Variants in COLEC12 observed in about 807,000 individuals in gnomAD.
COLEC12 encodes collectin subfamily member 12, also known as collectin-12.
COLEC12 carries 33 observed loss-of-function variants against 71.1 expected under a neutral mutation model. The observed-to-expected ratio is 0.46, with a 90% CI of 0.35 to 0.62. The LOEUF is 0.62. COLEC12 is among the 20% of genes least tolerant of loss of function. The pLI is 0.00. For missense variants in COLEC12, 765 were observed against 916.1 expected (o/e 0.84, Z 2.13); for synonymous variants, 350 against 353.0 (o/e 0.99, Z 0.10).
intron 1 of COLEC12, among the ~76,000 whole-genome samples, chr18:498,709 C>T (rs1004023341): frequency 3.9e-5 from 6 of 152,138 alleles, no homozygotes; most frequent in South Asian, 2.1e-4. Flanking sequence ...TTAGTCTACC[C>T]GGGGATTCAC....
At chr18:445,914 G>A (rs1447876004) in intron 2 of COLEC12, among the ~76,000 whole-genome samples, 1 of 152,154 alleles carries the variant, frequency 6.6e-6, no homozygotes, top group South Asian at 2.1e-4. Flanking sequence ...TTACAGGCAT[G>A]AGTCACTGCG....
intron 2 of COLEC12, among the ~76,000 whole-genome samples, chr18:364,178 GT>G (rs201915901): frequency 4.0e-5 from 6 of 151,680 alleles, no homozygotes; most frequent in East Asian, 3.9e-4. Context: ...TGGTTTTATT[GT>G]TTTTTTTAAG....
intron 2 of COLEC12, among the ~76,000 whole-genome samples, chr18:430,145 C>A (rs1322904363): frequency 6.6e-6 from 1 of 152,100 alleles, no homozygotes; most frequent in African/African-American, 2.4e-5. Flanking sequence ...CAAGACCAGC[C>A]TGGCCATCAT....
intron 9 of COLEC12, 57 bp downstream of exon 9, chr18:321,605 C>T (rs1913705531): frequency 4.4e-6 from 7 of 1,601,794 alleles, no homozygotes; most frequent in South Asian, 3.3e-5. Flanking sequence ...CACCACCCCT[C>T]ACCCTTTCAT....
At chr18:446,057 T>C (rs1221280883) in intron 2 of COLEC12, among the ~76,000 whole-genome samples, 1 of 152,240 alleles carries the variant, frequency 6.6e-6, no homozygotes, top group Admixed American at 6.5e-5. Context: ...TCACCCATGT[T>C]GCAGCATGTA....
At chr18:413,069 TATAAC>T (rs1915922647) in intron 2 of COLEC12, among the ~76,000 whole-genome samples, 1 of 152,196 alleles carries the variant, frequency 6.6e-6, no homozygotes, top group Non-Finnish European at 1.5e-5. Flanking sequence ...TCATTTCAAA[TATAAC>T]ATACAGGAAG....
chr18:370,472 C>T, intron 2 of COLEC12, among the ~76,000 whole-genome samples: 1 of 152,188 alleles, frequency 6.6e-6, no homozygotes, highest in African/African-American at 2.4e-5. Context: ...AGGTGTTCCC[C>T]ACTTCCCCGG....
At chr18:328,627 C>T (rs1386038305) in intron 8 of COLEC12, among the ~76,000 whole-genome samples, 1 of 152,192 alleles carries the variant, frequency 6.6e-6, no homozygotes, top group Non-Finnish European at 1.5e-5. Flanking sequence ...CGACTAAATG[C>T]TTTGCATACA....
At position 327,641 on chromosome 18, in the gene COLEC12, G is replaced by A. The variant is rs11877535; in HGVS notation, c.2063+4027C>T. Among the ~76,000 whole-genome samples the A allele has an allele frequency of 6.6e-6, 1 of 152,230 alleles. No individual in the cohort carries two copies. The highest frequency in any genetic ancestry group is 1.5e-5 in the Non-Finnish European group (1 of 68,048). On this transcript the variant is annotated intron_variant, in intron 8 of 9. Transcript: ENST00000400256. The surrounding 1 kb of genome is among the most constrained non-coding windows in gnomAD (Gnocchi z 4.0). ...TCAACCAGGTCTCAGCATGAAAAAT[G>A]AGGTGAGGCCGAGACGCAGAGGAGA...
At chr18:457,307 G>A (rs1012012578) in intron 2 of COLEC12, among the ~76,000 whole-genome samples, 2 of 152,152 alleles carry the variant, frequency 1.3e-5, no homozygotes, top group African/African-American at 2.4e-5. Context: ...GCACTGCAGC[G>A]CCGAAGGAGA....
At chr18:466,520 C>T (rs1917091480) in intron 2 of COLEC12, among the ~76,000 whole-genome samples, 1 of 152,136 alleles carries the variant, frequency 6.6e-6, no homozygotes. Flanking sequence ...CAGAATCTAA[C>T]TATAGAAAAT....
chr18:379,129 T>A lies in COLEC12; in HGVS notation c.59-21607A>T, dbSNP rs1341242679. The stretch of plus-strand genomic sequence containing the variant: ...GGAAAAGAAGGTTTTGTTTTTGTTT[T>A]TTTTTTTCTTTGAGACAGGGTCTTG... On this transcript the variant is annotated intron_variant, in intron 2 of 9. Coordinates refer to ENST00000400256, the MANE Select transcript of COLEC12 (RefSeq NM_130386.3). Among the ~76,000 whole-genome samples, 5 of 151,798 alleles carry A rather than the reference T, an allele frequency of 3.3e-5. No homozygotes were observed. In the East Asian group the frequency reaches 7.7e-4, roughly 23 times the overall value.
intron 2 of COLEC12, among the ~76,000 whole-genome samples, chr18:428,783 TA>T: frequency 6.6e-6 from 1 of 152,348 alleles, no homozygotes; most frequent in East Asian, 1.9e-4. Context: ...GTCTTTTCAA[TA>T]AAATTTCATT....
At chr18:436,249 G>A (rs1182482741) in intron 2 of COLEC12, among the ~76,000 whole-genome samples, 7 of 152,272 alleles carry the variant, frequency 4.6e-5, no homozygotes, top group Middle Eastern at 3.4e-3. Flanking sequence ...AGTGGCTCAC[G>A]CCTGTAATCC....
At chr18:354,746 T>C (rs1326973035) in intron 3 of COLEC12, among the ~76,000 whole-genome samples, 1 of 149,428 alleles carries the variant, frequency 6.7e-6, no homozygotes, top group Admixed American at 6.6e-5. Flanking sequence ...AAAGTGCATG[T>C]TGTATTATCT....
At chr18:391,524 G>C (rs1170057923) in intron 2 of COLEC12, among the ~76,000 whole-genome samples, 1 of 152,072 alleles carries the variant, frequency 6.6e-6, no homozygotes, top group African/African-American at 2.4e-5. Flanking sequence ...TGTTGTTTTG[G>C]TTCTATACTG....
chr18:409,517 C>T (rs558851076), intron 2 of COLEC12, among the ~76,000 whole-genome samples: 27 of 152,248 alleles, frequency 1.8e-4, no homozygotes, highest in Admixed American at 3.3e-4. Context: ...AAGAGCAAAG[C>T]TCTGTCTCAA....
chr18:402,891 C>T (rs1161863724), intron 2 of COLEC12, among the ~76,000 whole-genome samples: 2 of 152,114 alleles, frequency 1.3e-5, no homozygotes, highest in Admixed American at 1.3e-4. Flanking sequence ...GAGCCATCCA[C>T]AGCCACTTCT....
At chr18:379,119 G>GT (rs1467760535) in intron 2 of COLEC12, among the ~76,000 whole-genome samples, 1 of 149,020 alleles carries the variant, frequency 6.7e-6, no homozygotes, top group South Asian at 2.2e-4. Flanking sequence ...AGAAGGTTTT[G>GT]TTTTTGTTTT....
Sources: gnomAD v4.1 joint callset for allele counts (sites outside exome capture counted in the v4.1 genomes callset) on GRCh38, gnomAD v4.1.1 for gene constraint, Gnocchi (gnomAD v3.1) non-coding constraint, MANE v1.5 for transcripts, NCBI Gene and HGNC (gene_info 2026-07-23, HGNC 2026-07-21) for gene names.